The following SQOR variants were observed in gnomAD, a reference collection of about 807,000 sequenced individuals.
SQOR encodes sulfide:quinone oxidoreductase, mitochondrial.
A neutral mutation model predicts 48.6 loss-of-function variants in SQOR; 39 were observed. That is an observed-to-expected ratio of 0.80 (90% CI 0.62 to 1.05). SQOR has a LOEUF of 1.05. SQOR is among the 50% of genes least tolerant of loss of function. The probability of loss-of-function intolerance (pLI) is 0.00; values close to 1 mark genes in which losing one functional copy is unlikely to be tolerated. For synonymous variants in SQOR, 220 were observed against 206.2 expected, an observed-to-expected ratio of 1.07 and a Z score of -0.57; for missense variants, 561 against 559.9, an observed-to-expected ratio of 1.00 and a Z score of -0.02.
rs1895167619 is a variant in SQOR at position 45,644,527 on chromosome 15, T to C, written c.-18+9419T>C. On this transcript the variant is annotated intron_variant, in intron 1 of 9. Transcript: ENST00000260324. ...AGATGTATTACAACGTACCTGGGAT[T>C]TGTTTTAATCAAGTATGGTGAGGCC... 2.6e-5 allele frequency among the ~76,000 whole-genome samples: 4 copies of C among 152,194 alleles called. No homozygotes were observed. The South Asian group carries it at 8.3e-4, about 31-fold the overall frequency.
At chr15:45,689,663 G>A (rs540685798) in intron 9 of SQOR, among the ~76,000 whole-genome samples, 26 of 151,864 alleles carry the variant, frequency 1.7e-4, no homozygotes, top group African/African-American at 5.3e-4. Context: ...CAAGTGATCC[G>A]CCCGCCTCGG....
At chr15:45,655,876 G>A (rs370993744) in intron 1 of SQOR, among the ~76,000 whole-genome samples, 90 of 151,774 alleles carry the variant, frequency 5.9e-4, no homozygotes, top group Middle Eastern at 6.8e-3. Context: ...TAGTAGAGAC[G>A]GGATTTCACC....
intron 1 of SQOR, among the ~76,000 whole-genome samples, chr15:45,650,183 A>C (rs1287455047): frequency 6.6e-6 from 1 of 152,090 alleles, no homozygotes; most frequent in Non-Finnish European, 1.5e-5. Context: ...TCTGTCGCCC[A>C]GGCTAGAGTG....
intron 7 of SQOR, 84 bp from the exon 8 acceptor site, chr15:45,688,253 G>T: frequency 1.1e-6 from 1 of 940,796 alleles, no homozygotes. Context: ...GAATCTTCTT[G>T]TTTACATTAA....
intron 3 of SQOR, among the ~76,000 whole-genome samples, chr15:45,664,544 A>G (rs1263325927): frequency 6.6e-6 from 1 of 151,990 alleles, no homozygotes; most frequent in Non-Finnish European, 1.5e-5. Flanking sequence ...TTAGTGCCCC[A>G]TGAAAGAGGT....
intron 1 of SQOR, among the ~76,000 whole-genome samples, chr15:45,654,610 G>A: frequency 6.6e-6 from 1 of 152,162 alleles, no homozygotes; most frequent in Admixed American, 6.5e-5. Flanking sequence ...CTAGTGAAGT[G>A]GCTACATTGA....
chr15:45,662,497 TCGC>T (rs1378585131), intron 3 of SQOR, among the ~76,000 whole-genome samples: 8 of 152,190 alleles, frequency 5.3e-5, no homozygotes, highest in Non-Finnish European at 1.0e-4. Context: ...TTTCTACCGG[TCGC>T]CTAGCCTCCC....
rs367686665 is a variant in SQOR at position 45,654,622 on chromosome 15, T to C, written c.-17-4285T>C. ...GAGCTAGTGAAGTGGCTACATTGAC[T>C]GGCGTGTATACCCATGGTTTATCGT... On this transcript the variant is annotated intron_variant, in intron 1 of 9. Coordinates refer to ENST00000260324, the MANE Select transcript of SQOR (RefSeq NM_021199.4). Among the ~76,000 whole-genome samples, 3 of 152,170 alleles carry C rather than the reference T, an allele frequency of 2.0e-5. No individual in the cohort carries two copies. In the East Asian group the frequency reaches 5.8e-4, roughly 29 times the overall value.
chr15:45,659,142 T>C lies in SQOR; in HGVS notation c.219T>C (p.Ile73=). 6.5e-7 allele frequency: 1 copy of C among 1,542,916 alleles called. No individual in the cohort carries two copies. Among genetic ancestry groups the C allele is most frequent in the East Asian group, 2.3e-5 (1 of 43,192 alleles). ...KRKVGAENVA[I]VEPSERHFYQ... ...AAGTGGGTGCAGAGAATGTGGCCAT[T>C]GTTGAGCCCAGTGAGGTAAGCCTCC... The change falls in exon 2 of 10, where the codon ATT becomes ATC. Residue 73 remains isoleucine, a synonymous_variant. Transcript: ENST00000260324.
chr15:45,689,440 C>CA (rs1890282346), intron 9 of SQOR: 1 of 340,482 alleles, frequency 2.9e-6, no homozygotes. Flanking sequence ...TTTTTTGAGA[C>CA]AGAGTCTTGC....
intron 7 of SQOR, among the ~76,000 whole-genome samples, chr15:45,685,197 T>A (rs1392003415): frequency 6.6e-6 from 1 of 152,156 alleles, no homozygotes; most frequent in East Asian, 1.9e-4. Context: ...GAAAGTCTAT[T>A]TACTCTTCTC....
intron 9 of SQOR, among the ~76,000 whole-genome samples, chr15:45,689,771 A>G: frequency 6.6e-6 from 1 of 152,144 alleles, no homozygotes; most frequent in East Asian, 1.9e-4. Flanking sequence ...GAGTAAGAGC[A>G]CAGACTTTGG....
intron 5 of SQOR, 62 bp from the exon 6 acceptor site, chr15:45,676,039 T>TA (rs199639985): frequency 0.23 from 275,826 of 1,223,970 alleles, 4,137 homozygotes; most frequent in East Asian, 0.37. Context: ...TTGTCTGGAT[T>TA]AAAAAAAAAA....
intron 6 of SQOR, among the ~76,000 whole-genome samples, chr15:45,679,109 T>C (rs1362424779): frequency 6.6e-6 from 1 of 152,210 alleles, no homozygotes; most frequent in African/African-American, 2.4e-5. Flanking sequence ...GATAAATGAA[T>C]GGTTATTATT....
At chr15:45,673,974 C>A in intron 5 of SQOR, 173 bp downstream of exon 5, 1 of 667,518 alleles carries the variant, frequency 1.5e-6, no homozygotes, top group Non-Finnish European at 2.5e-6. Context: ...GAGAAAATCA[C>A]TCATGATCCA....
upstream of SQOR, chr15:45,631,335 G>T (rs1176701994): frequency 6.6e-6 from 1 of 152,542 alleles, no homozygotes; most frequent in Non-Finnish European, 1.5e-5. Context: ...CTGGTTCTGA[G>T]ACTGCCCTGT....
chr15:45,673,766 A>G lies in SQOR; in HGVS notation c.619A>G (p.Lys207Glu). Reference sequence around the variant, plus strand: ...AGTGAAGTGTGCTGGAGCCCCTCAGAAGATCATGTACTTATCAGAAGCCTA... The same window carrying G: ...AGTGAAGTGTGCTGGAGCCCCTCAGGAGATCATGTACTTATCAGAAGCCTA... ...TPVKCAGAPQKIMYLSEAYFR... is the reference protein window; with the variant it reads ...TPVKCAGAPQEIMYLSEAYFR... The change falls in exon 5 of 10, where the codon AAG (lysine) becomes GAG (glutamate). Residue 207 changes from lysine (K) to glutamate (E), a missense_variant. By Grantham distance (56) the Lys-to-Glu change is moderately conservative. Coordinates refer to ENST00000260324, the MANE Select transcript of SQOR (RefSeq NM_021199.4). 1 of 1,614,176 alleles carries G rather than the reference A, an allele frequency of 6.2e-7. No individual in the cohort carries two copies. The highest frequency in any genetic ancestry group is 8.5e-7 in the Non-Finnish European group (1 of 1,180,032).
intron 1 of SQOR, among the ~76,000 whole-genome samples, chr15:45,643,335 A>G (rs1269832153): frequency 1.3e-5 from 2 of 152,152 alleles, no homozygotes. Context: ...AGCTGGGACT[A>G]CAGGTGCGTG....
intron 6 of SQOR, among the ~76,000 whole-genome samples, chr15:45,679,848 G>A (rs557117413): frequency 9.9e-5 from 15 of 152,078 alleles, no homozygotes; most frequent in Non-Finnish European, 1.5e-4. Context: ...ACAGATTCCC[G>A]TGCTTTACCC....
Sources: gnomAD v4.1 joint callset for allele counts (sites outside exome capture counted in the v4.1 genomes callset) on GRCh38, gnomAD v4.1.1 for gene constraint, MANE v1.5 for transcripts, NCBI Gene and HGNC (gene_info 2026-07-23, HGNC 2026-07-21) for gene names.